Variants in LRRC37A observed in about 807,000 individuals in gnomAD.
The protein encoded by LRRC37A is leucine-rich repeat-containing protein 37A.
A neutral mutation model predicts 35.4 loss-of-function variants in LRRC37A; 3 were observed. That is an observed-to-expected ratio of 0.08 (90% CI 0.04 to 0.22). The LOEUF is 0.22. LRRC37A is among the 10% of genes least tolerant of loss of function. The pLI is 1.00. For missense variants in LRRC37A, 67 were observed against 565.3 expected (o/e 0.12, Z 8.94); for synonymous variants, 23 against 215.0 (o/e 0.11, Z 7.81).
the LRRC37A span, among the ~76,000 whole-genome samples, chr17:46,286,832 CCTCACTG>C: frequency 6.6e-6 from 1 of 152,236 alleles, no homozygotes; most frequent in Non-Finnish European, 1.5e-5. Flanking sequence ...CAGTACAATT[CCTCACTG>C]CTGCCCTCTT....
chr17:46,254,418 T>C, the LRRC37A span, among the ~76,000 whole-genome samples: 1 of 152,020 alleles, frequency 6.6e-6, no homozygotes, highest in Non-Finnish European at 1.5e-5. Flanking sequence ...TATTTATCTA[T>C]CTATTTATTT....
At chr17:46,267,638 T>C in the LRRC37A span, 5 of 1,393,552 alleles carry the variant, frequency 3.6e-6, no homozygotes, top group Non-Finnish European at 5.1e-6. Flanking sequence ...GGGGACAGTA[T>C]TGTAACATGA....
chr17:46,259,053 T>TTTTTTTTC, the LRRC37A span, among the ~76,000 whole-genome samples: 1 of 135,142 alleles, frequency 7.4e-6, no homozygotes, highest in African/African-American at 3.0e-5. Context: ...TTTTTTTTTT[T>TTTTTTTTC]ACTAACCAGG....
chr17:46,257,696 C>G, the LRRC37A span, among the ~76,000 whole-genome samples: 3 of 150,754 alleles, frequency 2.0e-5, no homozygotes, highest in Middle Eastern at 6.9e-3. Context: ...GTGGTACACA[C>G]CTGTGATCCC....
the LRRC37A span, among the ~76,000 whole-genome samples, chr17:46,254,378 G>A: frequency 2.2e-4 from 33 of 150,072 alleles, no homozygotes; most frequent in Admixed American, 1.9e-3. Flanking sequence ...ACTGGAAGCC[G>A]AGGCTGGCCA....
At chr17:46,262,710 G>A in the LRRC37A span, among the ~76,000 whole-genome samples, 3 of 151,774 alleles carry the variant, frequency 2.0e-5, no homozygotes, top group South Asian at 2.1e-4. Flanking sequence ...CACTTGAACC[G>A]GGAGGCGGAG....
the LRRC37A span, among the ~76,000 whole-genome samples, chr17:46,276,790 C>CTTTTCTTTTTTTTTTTTT: frequency 3.7e-5 from 5 of 134,298 alleles, no homozygotes; most frequent in Non-Finnish European, 6.4e-5. Flanking sequence ...TTCTTTTTTT[C>CTTTTCTTTTTTTTTTTTT]TTTTTTTTTT....
the LRRC37A span, among the ~76,000 whole-genome samples, chr17:46,257,001 A>T: frequency 1.1e-4 from 16 of 152,330 alleles, no homozygotes; most frequent in Admixed American, 3.3e-4. Context: ...TTTCAACCTT[A>T]TATTAAGAGC....
chr17:46,288,858 C>A (rs1397816235), upstream of LRRC37A, among the ~76,000 whole-genome samples: 1 of 152,036 alleles, frequency 6.6e-6, no homozygotes, highest in Non-Finnish European at 1.5e-5. Flanking sequence ...CACGTGCCAC[C>A]AAGCTCAGCT....
chr17:46,251,180 G>A, the LRRC37A span, among the ~76,000 whole-genome samples: 6 of 151,964 alleles, frequency 3.9e-5, no homozygotes, highest in African/African-American at 1.5e-4. Flanking sequence ...TAGTCCCGTG[G>A]TTCTCAACTG....
At chr17:46,287,223 T>C in the LRRC37A span, among the ~76,000 whole-genome samples, 4 of 152,218 alleles carry the variant, frequency 2.6e-5, no homozygotes, top group Non-Finnish European at 5.9e-5. Context: ...AAAAACATAC[T>C]GGAATTTGAA....
rs2050815161 is a variant in LRRC37A at position 46,311,889 on chromosome 17, GA to G, written c.2906+5581del. ...CCTTAGTTTAATGTATAAAATGAAG[GA>G]CTTGAACCAGAAATGGAAATGGTCA... On this transcript the variant is annotated intron_variant, in intron 5 of 13. Coordinates refer to ENST00000320254, the Ensembl canonical transcript of LRRC37A. Among the ~76,000 whole-genome samples, 2 of 57,500 alleles carry G rather than the reference GA, an allele frequency of 3.5e-5. 1 individual carries two copies. The highest frequency in any genetic ancestry group is 1.0e-4 in the Non-Finnish European group (2 of 19,502). 37.7% of individuals were successfully genotyped at this position (57,500 alleles called of 152,430 possible). A position where few individuals can be genotyped will look rare whatever the true frequency, so the allele number is the denominator to read the frequency against.
At chr17:46,280,916 A>C in the LRRC37A span, among the ~76,000 whole-genome samples, 1 of 152,204 alleles carries the variant, frequency 6.6e-6, no homozygotes, top group Non-Finnish European at 1.5e-5. Context: ...AAGAAAGGGT[A>C]CCCTGAGTCC....
chr17:46,263,854 C>CAA, the LRRC37A span, among the ~76,000 whole-genome samples: 10,549 of 94,388 alleles, frequency 0.11, 719 homozygotes, highest in Non-Finnish European at 0.17. Flanking sequence ...GACTCTGTCT[C>CAA]AAAAAAAAAA....
the LRRC37A span, among the ~76,000 whole-genome samples, chr17:46,261,220 T>A: frequency 6.6e-6 from 1 of 152,212 alleles, no homozygotes; most frequent in African/African-American, 2.4e-5. Context: ...AATAAAAATT[T>A]TTTTTTAGAA....
In LRRC37A at chr17:46,317,177, A is replaced by C. The variant is rs1295846028; in HGVS notation, c.2907-5145A>C. On this transcript the variant is annotated intron_variant, in intron 5 of 13. Coordinates refer to ENST00000320254, the Ensembl canonical transcript of LRRC37A. ...CGGGCAGAGGCGCTCCTCACATCCC[A>C]GACGGGCATGCCCAGTTAGTTTTAA... Among the ~76,000 whole-genome samples the C allele has an allele frequency of 2.3e-5, 2 of 87,336 alleles. 1 individual carries two copies. Among genetic ancestry groups the C allele is most frequent in the East Asian group, 4.6e-4 (2 of 4,320 alleles). 57.3% of individuals were successfully genotyped at this position (87,336 alleles called of 152,430 possible).
At chr17:46,287,759 T>C (rs540425994), upstream of LRRC37A, among the ~76,000 whole-genome samples, 32 of 152,304 alleles carry the variant, frequency 2.1e-4, no homozygotes, top group South Asian at 6.2e-3. Flanking sequence ...GATGCAAAGA[T>C]AGTTATCCAG....
At chr17:46,254,402 T>C in the LRRC37A span, among the ~76,000 whole-genome samples, 1 of 152,102 alleles carries the variant, frequency 6.6e-6, no homozygotes, top group Non-Finnish European at 1.5e-5. Context: ...ATTGTATTTA[T>C]TTATTTATTT....
chr17:46,274,889 T>C, the LRRC37A span: 1 of 152,676 alleles, frequency 6.5e-6, no homozygotes, highest in Admixed American at 6.6e-5. Flanking sequence ...TTCTTTTTCT[T>C]TTCTTCCTTT....
Sources: allele counts gnomAD v4.1 joint callset (sites outside exome capture counted in the v4.1 genomes callset), GRCh38; gene constraint gnomAD v4.1.1; transcripts MANE v1.5; gene names NCBI Gene and HGNC (gene_info 2026-07-23, HGNC 2026-07-21).